Variants in DDR1 observed in about 807,000 individuals in gnomAD.
DDR1 encodes the protein epithelial discoidin domain-containing receptor 1.
Under a neutral mutation model 97.4 loss-of-function variants are expected in DDR1, and 64 were observed. The observed-to-expected ratio is 0.66, with a 90% CI of 0.54 to 0.81. The LOEUF (loss-of-function observed/expected upper bound fraction) is 0.81. DDR1 is among the 30% of genes least tolerant of loss of function. The pLI is 0.00. For missense variants in DDR1, 990 were observed against 1,259.6 expected (o/e 0.79, Z 3.24); for synonymous variants, 458 against 503.7 (o/e 0.91, Z 1.21).
rs373976805 is a variant in DDR1, at chr6:30,897,445, G to A, written c.2064G>A (p.Leu688=). The A allele has an allele frequency of 4.4e-5, 71 of 1,614,072 alleles. No individual in the cohort carries two copies. Among genetic ancestry groups the A allele is most frequent in the Non-Finnish European group, 5.7e-5 (67 of 1,180,040 alleles). ...RLKDPNIIRL[L]GVCVQDDPLC... ...AGGACCCAAACATCATTCGGCTGCT[G>A]GGCGTGTGTGTGCAGGACGACCCCC... The change falls in exon 15 of 18, where the codon CTG becomes CTA. Residue 688 remains leucine (L), a synonymous_variant. Coordinates refer to ENST00000376568, the MANE Select transcript of DDR1 (RefSeq NM_001297654.2). This position sits in a 1 kb window ranked among gnomAD's most constrained non-coding sequence, Gnocchi z 5.2.
intron 8 of DDR1, 27 bp downstream of exon 8, chr6:30,892,569 A>G (rs1788915357): frequency 9.1e-6 from 14 of 1,535,390 alleles, no homozygotes; most frequent in Non-Finnish European, 1.2e-5. Context: ...CCCAGTCTCC[A>G]GTCCCTGAAA....
chr6:30,882,035 C>T (rs926773522), upstream of DDR1: 6 of 152,474 alleles, frequency 3.9e-5, no homozygotes, highest in Non-Finnish European at 7.3e-5. The surrounding 1 kb of genome is among the most constrained non-coding windows in gnomAD (Gnocchi z 4.8). Context: ...CTTCACCCTG[C>T]CCCCCACCCG....
Position 30,891,263 on chromosome 6 carries a change from A to G in DDR1, c.566-117A>G, listed in dbSNP as rs776935667. ...GGGGCTAGCCAGCATTGTCTCCTCC[A>G]TGCCAATGAGCCAGTGGAGAGATAC... On this transcript the variant is annotated intron_variant, in intron 5 of 17. Coordinates refer to ENST00000376568, the MANE Select transcript of DDR1 (RefSeq NM_001297654.2). The surrounding 1 kb of genome is among the most constrained non-coding windows in gnomAD (Gnocchi z 5.3). 1.2e-5 allele frequency: 17 copies of G among 1,418,056 alleles called. No individual in the cohort carries two copies. The highest frequency in any genetic ancestry group is 1.6e-5 in the Non-Finnish European group (16 of 1,028,354). The allele number at this position is 1,418,056 out of a possible 1,614,324, so 87.8% of individuals were successfully genotyped here. A position where few individuals can be genotyped will look rare whatever the true frequency, so the allele number is the denominator to read the frequency against.
chr6:30,897,305 A>AG lies in DDR1; in HGVS notation c.1998-68dup. On this transcript the variant is annotated intron_variant, in intron 14 of 17. Transcript: ENST00000376568. This position sits in a 1 kb window ranked among gnomAD's most constrained non-coding sequence, Gnocchi z 5.2. Reference sequence around the variant, plus strand: ...ACGCCTGGTCTGCCTGAGGTGGGGCAGGGGGGTGGGGGCGCGGGGGAAGGT... The same window carrying AG: ...ACGCCTGGTCTGCCTGAGGTGGGGCAGGGGGGGTGGGGGCGCGGGGGAAGGT... 1.9e-6 allele frequency: 1 copy of AG among 526,540 alleles called. No individual in the cohort carries two copies. Among genetic ancestry groups the AG allele is most frequent in the Non-Finnish European group, 2.7e-6 (1 of 374,398 alleles). The allele number at this position is 526,540 out of a possible 1,614,324, so 32.6% of individuals were successfully genotyped here.
In DDR1 at chr6:30,889,611, C is replaced by CTT. The variant is rs771727883; in HGVS notation, c.417+193_417+194dup. Among the ~76,000 whole-genome samples the CTT allele has an allele frequency of 6.8e-6, 1 of 146,200 alleles. No individual in the cohort carries two copies. Among genetic ancestry groups the CTT allele is most frequent in the Non-Finnish European group, 1.5e-5 (1 of 66,000 alleles). The stretch of plus-strand genomic sequence containing the variant: ...CTTTTGGATTTCTCCACTTAGATGT[C>CTT]TTTTTTTTTTTTTCTAATAGATGGG... On this transcript the variant is annotated intron_variant, in intron 4 of 17. Coordinates refer to ENST00000376568, the MANE Select transcript of DDR1 (RefSeq NM_001297654.2). The surrounding 1 kb of genome is among the most constrained non-coding windows in gnomAD (Gnocchi z 4.9).
chr6:30,896,762 C>G lies in DDR1; in HGVS notation c.1766C>G (p.Pro589Arg). The G allele has an allele frequency of 6.3e-7, 1 of 1,588,036 alleles. No homozygotes were observed. The highest frequency in any genetic ancestry group is 1.3e-5 in the African/African-American group (1 of 74,418). The change falls in exon 13 of 18, where the codon CCT becomes CGT. Residue 589 changes from proline (P) to arginine (R), a missense_variant. By Grantham distance (103) the Pro-to-Arg change is moderately radical (BLOSUM62 -2). Transcript: ENST00000376568. ...ACCGGGGGCAACACCTATGCTGTGCCTGCACTGCCCCCAGGGGCAGTCGGG... is the reference window on the plus strand; with the variant it reads ...ACCGGGGGCAACACCTATGCTGTGCGTGCACTGCCCCCAGGGGCAGTCGGG... Reference protein sequence around the residue: ...GVTGGNTYAVPALPPGAVGDG... With the variant: ...GVTGGNTYAVRALPPGAVGDG...
rs1052117874 is a variant in DDR1 at position 30,897,792 on chromosome 6, A to G, written c.2216+195A>G. On this transcript the variant is annotated intron_variant, in intron 15 of 17. Transcript: ENST00000376568. This position sits in a 1 kb window ranked among gnomAD's most constrained non-coding sequence, Gnocchi z 5.2. ...CAGAAAGGCTGGAGGTGACTATGCA[A>G]GAGTGGTGAAGGGACTTGGGCCCTG... Among the ~76,000 whole-genome samples, 3 of 152,212 alleles carry G rather than the reference A, an allele frequency of 2.0e-5. No homozygotes were observed. Among genetic ancestry groups the G allele is most frequent in the Admixed American group, 6.5e-5 (1 of 15,288 alleles).
Position 30,899,354 on chromosome 6 carries a change from AAAAC to A in DDR1, c.*61_*64del. On this transcript the variant is annotated 3_prime_UTR_variant, in exon 18 of 18. Coordinates refer to ENST00000376568, the MANE Select transcript of DDR1 (RefSeq NM_001297654.2). The stretch of plus-strand genomic sequence containing the variant: ...CGATCCAGGGGAAGCCAGTGACACT[AAAAC>A]AAGAGGACACAATGGCACCTCTGCC... 6.4e-7 allele frequency: 1 copy of A among 1,558,358 alleles called. No individual in the cohort carries two copies. The highest frequency in any genetic ancestry group is 8.7e-7 in the Non-Finnish European group (1 of 1,150,480).
At position 30,894,477 on chromosome 6, in the gene DDR1, C is replaced by G. The variant is rs144057500; in HGVS notation, c.1348-29C>G. 23 of 1,583,184 alleles carry G rather than the reference C, an allele frequency of 1.5e-5. No individual in the cohort carries two copies. The highest frequency in any genetic ancestry group is 1.5e-5 in the Non-Finnish European group (17 of 1,162,664). ...GCCAGGCCGTGTGTGCTGAGCAACACGGGTGATGCCTCCCATCCCTATGAC... is the reference window on the plus strand; with the variant it reads ...GCCAGGCCGTGTGTGCTGAGCAACAGGGGTGATGCCTCCCATCCCTATGAC... On this transcript the variant is annotated intron_variant, in intron 10 of 17. Coordinates refer to ENST00000376568, the MANE Select transcript of DDR1 (RefSeq NM_001297654.2). The surrounding 1 kb of genome is among the most constrained non-coding windows in gnomAD (Gnocchi z 5.7).
At position 30,894,527 on chromosome 6, in the gene DDR1, G is replaced by A. The variant is rs1478173567; in HGVS notation, c.1369G>A (p.Glu457Lys). The change falls in exon 11 of 18, where the codon GAG (glutamate) becomes AAG (lysine). Residue 457 changes from glutamate (E) to lysine (K), a missense_variant. Transcript: ENST00000376568. The surrounding 1 kb of genome is among the most constrained non-coding windows in gnomAD (Gnocchi z 5.7). ...LSKAERRVLE[E>K]ELTVHLSVPG... ...CAAGGCTGAACGGAGGGTGTTGGAAGAGGAGCTGACGGTTCACCTCTCTGT... is the reference window on the plus strand; with the variant it reads ...CAAGGCTGAACGGAGGGTGTTGGAAAAGGAGCTGACGGTTCACCTCTCTGT... 6.2e-7 allele frequency: 1 copy of A among 1,611,558 alleles called. No individual in the cohort carries two copies. The highest frequency in any genetic ancestry group is 1.7e-5 in the Admixed American group (1 of 59,666).
intron 10 of DDR1, among the ~76,000 whole-genome samples, chr6:30,893,712 C>T (rs1475004294): frequency 2.6e-5 from 4 of 152,208 alleles, no homozygotes; most frequent in African/African-American, 4.8e-5. Flanking sequence ...GCAGCTGGCC[C>T]GTATCTACCC....
At position 30,893,333 on chromosome 6, in the gene DDR1, C is replaced by T; in HGVS notation, c.1257C>T (p.Leu419=). The T allele has an allele frequency of 6.2e-7, 1 of 1,607,806 alleles. No homozygotes were observed. The highest frequency in any genetic ancestry group is 8.5e-7 in the Non-Finnish European group (1 of 1,179,788). ...AKAEGSPTAI[L]IGCLVAIILL... ...CCGAGGGGAGCCCGACCGCCATCCT[C>T]ATCGGCTGCCTGGTGGCCATCATCC... Residue 419 remains leucine, a synonymous_variant, in exon 10 of 18, where the codon CTC becomes CTT. Coordinates refer to ENST00000376568, the MANE Select transcript of DDR1 (RefSeq NM_001297654.2).
In DDR1 at chr6:30,897,611, C is replaced by T; in HGVS notation, c.2216+14C>T. On this transcript the variant is annotated intron_variant, in intron 15 of 17. Coordinates refer to ENST00000376568, the MANE Select transcript of DDR1 (RefSeq NM_001297654.2). This position sits in a 1 kb window ranked among gnomAD's most constrained non-coding sequence, Gnocchi z 5.2. ...GCCCACCATCAGGTACCTGCTTACC[C>T]AGGCTGGGCCTTGCTCAGAATTCCC... is the stretch of plus-strand genomic sequence containing the variant. 6.3e-7 allele frequency: 1 copy of T among 1,598,256 alleles called. No homozygotes were observed. The highest frequency in any genetic ancestry group is 8.5e-7 in the Non-Finnish European group (1 of 1,172,470).
At chr6:30,887,759 ATTTT>A (rs1190017524) in intron 1 of DDR1, among the ~76,000 whole-genome samples, 1 of 151,842 alleles carries the variant, frequency 6.6e-6, no homozygotes, top group Non-Finnish European at 1.5e-5. Context: ...CTTCTTTTTT[ATTTT>A]TATTTTTCAC....
chr6:30,896,913 G>C, intron 13 of DDR1, 48 bp downstream of exon 13: 1 of 1,563,034 alleles, frequency 6.4e-7, no homozygotes. Flanking sequence ...GTGCTCTGAT[G>C]CCATGCCTGC....
In DDR1 at chr6:30,892,125, C is replaced by T; in HGVS notation, c.789C>T (p.Phe263=). The T allele has an allele frequency of 6.2e-7, 1 of 1,614,204 alleles. No homozygotes were observed. Among genetic ancestry groups the T allele is most frequent in the Non-Finnish European group, 8.5e-7 (1 of 1,180,026 alleles). Residue 263 remains phenylalanine (F), a synonymous_variant, in exon 7 of 18, where the codon TTC becomes TTT. Transcript: ENST00000376568. ...ATGTGGGATGGAGCAACCACAGCTTCTCCAGTGGCTATGTGGAGATGGAGT... is the reference window on the plus strand; with the variant it reads ...ATGTGGGATGGAGCAACCACAGCTTTTCCAGTGGCTATGTGGAGATGGAGT... ...YDYVGWSNHS[F]SSGYVEMEFE...
chr6:30,895,306 C>A, intron 11 of DDR1, 98 bp from the exon 12 acceptor site: 1 of 795,642 alleles, frequency 1.3e-6, no homozygotes, highest in Middle Eastern at 2.4e-4. Context: ...ATGCAATCAT[C>A]CCATCAGCCC....
In DDR1 at chr6:30,897,157, G is replaced by A. The variant is rs201933014; in HGVS notation, c.1997+16G>A. 10 of 1,613,040 alleles carry A rather than the reference G, an allele frequency of 6.2e-6. No individual in the cohort carries two copies. The East Asian group carries it at 2.2e-4, about 36-fold the overall frequency. On this transcript the variant is annotated intron_variant, in intron 14 of 17. Transcript: ENST00000376568. This position sits in a 1 kb window ranked among gnomAD's most constrained non-coding sequence, Gnocchi z 5.2. ...AGAATGCCAGGTGAGGACCAGGGAT[G>A]GCATCTGGAAGAAGGGAGGGGAGGC...
Position 30,889,366 on chromosome 6 carries a change from A to G in DDR1, c.353A>G (p.Tyr118Cys). The G allele has an allele frequency of 6.2e-7, 1 of 1,607,734 alleles. No individual in the cohort carries two copies. Among genetic ancestry groups the G allele is most frequent in the East Asian group, 2.2e-5 (1 of 44,774 alleles). ...GGLGKEFSRS[Y>C]RLRYSRDGRR... ...CTGGGCAAGGAGTTCTCCCGGAGCT[A>G]CCGGCTGCGTTACTCCCGGGATGGT... Residue 118 changes from tyrosine to cysteine, a missense_variant, in exon 4 of 18, where the codon TAC (tyrosine) becomes TGC (cysteine). Physicochemically the swap from Tyr to Cys is radical, Grantham distance 194 (BLOSUM62 -2). Transcript: ENST00000376568. The surrounding 1 kb of genome is among the most constrained non-coding windows in gnomAD (Gnocchi z 4.9).
Sources: gnomAD v4.1 joint callset for allele counts (sites outside exome capture counted in the v4.1 genomes callset) on GRCh38, gnomAD v4.1.1 for gene constraint, Gnocchi (gnomAD v3.1) non-coding constraint, MANE v1.5 for transcripts, NCBI Gene and HGNC (gene_info 2026-07-23, HGNC 2026-07-21) for gene names.